Variants in CATSPERD observed in about 807,000 individuals in gnomAD.
CATSPERD encodes the protein catsper channel auxiliary subunit delta.
Under a neutral mutation model 98.1 loss-of-function variants are expected in CATSPERD, and 86 were observed. The observed-to-expected ratio is 0.88, with a 90% confidence interval of 0.74 to 1.05. The LOEUF (loss-of-function observed/expected upper bound fraction) is 1.05, where lower values mean the gene tolerates loss of function less well. Ranked by LOEUF, CATSPERD falls within the 50% of genes least tolerant of loss-of-function variation. The pLI is 0.00. For missense variants in CATSPERD, 995 were observed against 1,005.7 expected (o/e 0.99, Z 0.14); for synonymous variants, 394 against 390.2 (o/e 1.01, Z -0.12).
chr19:5,762,512 G>T (rs1193980140), intron 15 of CATSPERD, among the ~76,000 whole-genome samples: 1 of 152,112 alleles, frequency 6.6e-6, no homozygotes, highest in East Asian at 1.9e-4. Context: ...GATTTGGGTG[G>T]GGACATAGAA....
intron 16 of CATSPERD, among the ~76,000 whole-genome samples, chr19:5,765,758 G>A (rs1248483448): frequency 6.6e-6 from 1 of 152,022 alleles, no homozygotes; most frequent in Non-Finnish European, 1.5e-5. Context: ...GTTGCAGTGA[G>A]CTGAGACTGG....
intron 11 of CATSPERD, among the ~76,000 whole-genome samples, chr19:5,751,407 G>A (rs1257067346): frequency 4.7e-5 from 7 of 148,666 alleles, no homozygotes; most frequent in South Asian, 2.1e-4. Context: ...GTGGCTGCGC[G>A]TCTGTAGTCC....
intron 19 of CATSPERD, 22 bp downstream of exon 19, chr19:5,771,094 G>A (rs1410491129): frequency 1.2e-6 from 2 of 1,606,804 alleles, no homozygotes; most frequent in African/African-American, 2.7e-5. Flanking sequence ...GGGGGGTGCT[G>A]CAGGGTGGGG....
intron 7 of CATSPERD, among the ~76,000 whole-genome samples, chr19:5,741,771 T>G: frequency 3.7e-5 from 1 of 27,396 alleles, no homozygotes; most frequent in South Asian, 1.3e-3. Context: ...CCCAGCACTT[T>G]GGGATGCTGA....
rs200162231 is a variant in CATSPERD, at chr19:5,734,638, C to CAA, written c.391+680_391+681dup. 3.4e-4 allele frequency among the ~76,000 whole-genome samples: 48 copies of CAA among 142,304 alleles called. 1 individual carries two copies. In the South Asian group the frequency reaches 4.7e-3, roughly 14 times the overall value. The allele number at this position is 142,304 out of a possible 152,430, so 93.4% of individuals were successfully genotyped here. A position where few individuals can be genotyped will look rare whatever the true frequency, so the allele number is the denominator to read the frequency against. On this transcript the variant is annotated intron_variant, in intron 5 of 21. Transcript: ENST00000381624. ...GGGCAACAAGAGCAAAACTCTGTCTCAAAAAAAAAAAAATTAGCTGGGTGT... is the reference window on the plus strand; with the variant it reads ...GGGCAACAAGAGCAAAACTCTGTCTCAAAAAAAAAAAAAAATTAGCTGGGTGT...
At chr19:5,757,996 C>A in intron 14 of CATSPERD, 64 bp downstream of exon 14, 1 of 1,379,530 alleles carries the variant, frequency 7.2e-7, no homozygotes, top group Non-Finnish European at 1.0e-6. Context: ...TCCTCCTTCC[C>A]TTATCAGCAT....
At chr19:5,735,958 T>C (rs959429957) in intron 5 of CATSPERD, among the ~76,000 whole-genome samples, 1 of 151,430 alleles carries the variant, frequency 6.6e-6, no homozygotes, top group Admixed American at 6.6e-5. Context: ...TTTTTTGTAT[T>C]TTTAGTAGAG....
chr19:5,746,237 T>C (rs1326086661), intron 9 of CATSPERD, among the ~76,000 whole-genome samples, 174 bp downstream of exon 9: 1 of 152,128 alleles, frequency 6.6e-6, no homozygotes. Context: ...TCTCTCTGCA[T>C]CCTCCCTAGC....
intron 5 of CATSPERD, among the ~76,000 whole-genome samples, 157 bp downstream of exon 5, chr19:5,734,127 C>G (rs1046908890): frequency 7.9e-5 from 12 of 152,170 alleles, no homozygotes; most frequent in African/African-American, 2.9e-4. Flanking sequence ...GCCTGAGTCC[C>G]CATCCGTAGA....
chr19:5,739,431 G>A lies in CATSPERD; in HGVS notation c.565G>A (p.Asp189Asn). Reference protein sequence around the residue: ...GGFSFWKYHYDRQAEIIGSLG... With the variant: ...GGFSFWKYHYNRQAEIIGSLG... Reference sequence around the variant, plus strand: ...ATTCAGTTTTTGGAAGTATCACTATGACAGACAGGTATGTTAAATTTGGTA... The same window carrying A: ...ATTCAGTTTTTGGAAGTATCACTATAACAGACAGGTATGTTAAATTTGGTA... The change falls in exon 7 of 22, where the codon GAC (aspartate) becomes AAC (asparagine). Residue 189 changes from aspartate (D) to asparagine (N), a missense_variant. Physicochemically the swap from Asp to Asn is conservative, Grantham distance 23 (BLOSUM62 1). Around this residue, in one of 3 missense-constraint regions of CATSPERD, gnomAD observed 762 missense variants for 773.7 expected, o/e 0.98. Transcript: ENST00000381624. 1 of 1,480,690 alleles carries A rather than the reference G, an allele frequency of 6.8e-7. No homozygotes were observed. Among genetic ancestry groups the A allele is most frequent in the South Asian group, 1.2e-5 (1 of 82,710 alleles). 91.7% of individuals were successfully genotyped at this position (1,480,690 alleles called of 1,614,324 possible).
intron 7 of CATSPERD, among the ~76,000 whole-genome samples, chr19:5,743,652 C>CTG (rs2056035892): frequency 3.5e-5 from 5 of 144,540 alleles, no homozygotes; most frequent in Admixed American, 2.9e-4. Context: ...GTCTCTGTCT[C>CTG]TCTCTCTCTC....
intron 9 of CATSPERD, among the ~76,000 whole-genome samples, chr19:5,747,610 CTTT>C (rs10603074): frequency 1.8e-3 from 158 of 87,620 alleles, no homozygotes; most frequent in Middle Eastern, 6.5e-3. Context: ...TTTTTCTTTT[CTTT>C]TTTTTTTTTT....
At chr19:5,765,537 C>T (rs1456733120) in intron 16 of CATSPERD, among the ~76,000 whole-genome samples, 2 of 152,032 alleles carry the variant, frequency 1.3e-5, no homozygotes, top group Non-Finnish European at 2.9e-5. Context: ...CTGGGCCTGG[C>T]ATGGTGGCTC....
At chr19:5,750,990 T>G (rs1302109351) in intron 11 of CATSPERD, among the ~76,000 whole-genome samples, 3 of 146,116 alleles carry the variant, frequency 2.1e-5, no homozygotes, top group African/African-American at 7.7e-5. Flanking sequence ...CCGAGGCAGG[T>G]GGATCACGAG....
chr19:5,758,325 C>T (rs2056366173), intron 14 of CATSPERD, among the ~76,000 whole-genome samples: 2 of 152,122 alleles, frequency 1.3e-5, no homozygotes, highest in South Asian at 2.1e-4. Flanking sequence ...ACAGTCACTC[C>T]TCACTGTGGG....
intron 16 of CATSPERD, among the ~76,000 whole-genome samples, chr19:5,765,128 C>CT (rs1412017955): frequency 1.4e-4 from 21 of 152,170 alleles, no homozygotes; most frequent in Middle Eastern, 3.4e-3. Context: ...AGACTGGTCT[C>CT]TAACTCCTGG....
intron 14 of CATSPERD, 145 bp downstream of exon 14, chr19:5,758,077 G>A (rs1050131662): frequency 2.2e-5 from 14 of 634,810 alleles, no homozygotes; most frequent in African/African-American, 3.8e-5. Flanking sequence ...TCAGGCAGCC[G>A]TCAACCACAC....
rs2056284776 is a variant in CATSPERD, at chr19:5,754,390, T to C, written c.1278+145T>C. 8.8e-6 allele frequency: 4 copies of C among 456,062 alleles called. No homozygotes were observed. The Admixed American group carries it at 1.2e-4, about 13-fold the overall frequency. 28.3% of individuals were successfully genotyped at this position (456,062 alleles called of 1,614,324 possible). On this transcript the variant is annotated intron_variant, in intron 13 of 21. Coordinates refer to ENST00000381624, the MANE Select transcript of CATSPERD (RefSeq NM_152784.4). ...CAATTCTGCATAGAAATTGTCTCTG[T>C]GTCTTTTTTTTTTTTTTTTTTTTTT...
chr19:5,738,352 C>CAAAAAAAAAAAAAA (rs767298084), intron 6 of CATSPERD, among the ~76,000 whole-genome samples: 17 of 104,924 alleles, frequency 1.6e-4, no homozygotes, highest in Non-Finnish European at 2.2e-4. Flanking sequence ...ACTCAAAATA[C>CAAAAAAAAAAAAAA]AAAAAAAAAA....
Sources: gnomAD v4.1 joint callset for allele counts (sites outside exome capture counted in the v4.1 genomes callset) on GRCh38, gnomAD v4.1.1 for gene constraint, gnomAD v4.1.1 regional missense constraint, MANE v1.5 for transcripts, NCBI Gene and HGNC (gene_info 2026-07-23, HGNC 2026-07-21) for gene names.